Variants in ACYP2 observed in about 807,000 individuals in gnomAD.
ACYP2 encodes acylphosphatase 2, also known as acylphosphatase-2.
In ACYP2, 12 loss-of-function variants were observed where a neutral mutation model predicts 11.2. The ratio of observed to expected loss-of-function variants is 1.08; its 90% confidence interval spans 0.69 to 1.74. The LOEUF (loss-of-function observed/expected upper bound fraction) is 1.74, where lower values mean the gene tolerates loss of function less well. Among genes scored for constraint, ACYP2 ranks in the 40% most tolerant of loss-of-function variants. The probability of loss-of-function intolerance (pLI) is 0.00; values close to 1 mark genes in which losing one functional copy is unlikely to be tolerated. For missense variants in ACYP2, 134 were observed against 101.9 expected, an observed-to-expected ratio of 1.31 and a Z score of -1.35; for synonymous variants, 43 against 32.2, an observed-to-expected ratio of 1.33 and a Z score of -1.13.
In ACYP2 at chr2:54,043,662, A is replaced by T. The variant is rs561372255; in HGVS notation, c.63-7296A>T. 1.6e-3 allele frequency among the ~76,000 whole-genome samples: 239 copies of T among 152,314 alleles called. 2 individuals are homozygous for T. The highest frequency in any genetic ancestry group is 5.6e-3 in the African/African-American group (232 of 41,586). On this transcript the variant is annotated intron_variant, in intron 2 of 6. Coordinates refer to ENST00000607452, the MANE Select transcript of ACYP2 (RefSeq NM_001320586.2). Reference sequence around the variant, plus strand: ...AATTTCATTTAAAATCATGAAGGCGATGTTTTATTATATAAAGGGGATAAT... The same window carrying T: ...AATTTCATTTAAAATCATGAAGGCGTTGTTTTATTATATAAAGGGGATAAT...
chr2:53,994,571 T>TATG (rs1672476278), intron 2 of ACYP2, among the ~76,000 whole-genome samples: 1 of 149,288 alleles, frequency 6.7e-6, no homozygotes, highest in South Asian at 2.1e-4. Context: ...TGGGGTGGAC[T>TATG]ATGAGAGGCA....
At chr2:54,061,343 C>T (rs1057158751) in intron 4 of ACYP2, among the ~76,000 whole-genome samples, 2 of 152,164 alleles carry the variant, frequency 1.3e-5, no homozygotes, top group African/African-American at 4.8e-5. Context: ...GCAAACTTCC[C>T]CTTCCCCAAT....
intron 6 of ACYP2, among the ~76,000 whole-genome samples, chr2:54,193,999 A>G (rs1360521953): frequency 6.6e-6 from 1 of 152,218 alleles, no homozygotes; most frequent in African/African-American, 2.4e-5. Context: ...GGCATGATAT[A>G]TGAAGCCTTA....
chr2:53,985,941 G>T (rs767347838), intron 2 of ACYP2, among the ~76,000 whole-genome samples: 14 of 152,066 alleles, frequency 9.2e-5, no homozygotes, highest in Non-Finnish European at 1.3e-4. Context: ...TTTGAGACCA[G>T]CCTGGCCAAC....
intron 6 of ACYP2, among the ~76,000 whole-genome samples, chr2:54,201,799 T>G (rs1684846029): frequency 6.6e-6 from 1 of 150,686 alleles, no homozygotes. Context: ...ACCTCCACCT[T>G]CCAGGTTCAA....
intron 4 of ACYP2, among the ~76,000 whole-genome samples, chr2:54,128,339 C>G (rs1041888028): frequency 6.6e-6 from 1 of 152,148 alleles, no homozygotes; most frequent in Non-Finnish European, 1.5e-5. Context: ...CAGCAAGTGC[C>G]TTTCATTCAG....
chr2:53,972,181 A>G (rs997167936), intron 1 of ACYP2, among the ~76,000 whole-genome samples: 88 of 137,610 alleles, frequency 6.4e-4, no homozygotes, highest in Middle Eastern at 5.2e-3. Flanking sequence ...GTGGTGGCGG[A>G]CGCCTGTAAT....
At chr2:54,116,908 T>A (rs1363613015) in intron 4 of ACYP2, among the ~76,000 whole-genome samples, 1 of 152,138 alleles carries the variant, frequency 6.6e-6, no homozygotes, top group African/African-American at 2.4e-5. Context: ...GTGAATAATT[T>A]GGCAGGAAGG....
intron 4 of ACYP2, among the ~76,000 whole-genome samples, chr2:54,103,733 A>G (rs1319953653): frequency 6.6e-6 from 1 of 152,252 alleles, no homozygotes; most frequent in African/African-American, 2.4e-5. Flanking sequence ...AGAGCTCAAG[A>G]AAGTGAATAG....
chr2:54,255,573 GGGCCCGGGCCCA>G (rs1558647257), intron 6 of ACYP2: 3 of 1,569,146 alleles, frequency 1.9e-6, no homozygotes, highest in Non-Finnish European at 2.6e-6. Flanking sequence ...TCAGGGGCCC[GGGCCCGGGCCCA>G]GGCCCTGCCT....
chr2:54,148,124 G>C (rs377057044), intron 6 of ACYP2, among the ~76,000 whole-genome samples: 2 of 152,090 alleles, frequency 1.3e-5, no homozygotes, highest in South Asian at 2.1e-4. Context: ...ACGAGTAAAG[G>C]ATTGTGTTGC....
intron 6 of ACYP2, among the ~76,000 whole-genome samples, chr2:54,169,506 C>T (rs187806188): frequency 4.2e-4 from 64 of 151,988 alleles, no homozygotes; most frequent in Non-Finnish European, 7.8e-4. Context: ...CCATGATGGC[C>T]TCATGCAACC....
intron 4 of ACYP2, among the ~76,000 whole-genome samples, chr2:54,125,540 A>G (rs554363106): frequency 7.9e-5 from 12 of 151,322 alleles, no homozygotes; most frequent in African/African-American, 2.9e-4. Flanking sequence ...ACCAGAGGTC[A>G]GGAGTTTGAG....
intron 6 of ACYP2, chr2:54,256,117 G>T (rs982139314): frequency 1.9e-6 from 3 of 1,613,956 alleles, no homozygotes; most frequent in African/African-American, 2.7e-5. Flanking sequence ...ATAGTCGAGA[G>T]TAGCGGGGCT....
At chr2:54,083,786 C>T (rs1258497665) in intron 4 of ACYP2, among the ~76,000 whole-genome samples, 7 of 152,078 alleles carry the variant, frequency 4.6e-5, no homozygotes, top group African/African-American at 1.4e-4. Flanking sequence ...AAACCCAAAC[C>T]AAATTCTACA....
At chr2:53,978,102 A>G (rs1178323515) in intron 2 of ACYP2, among the ~76,000 whole-genome samples, 1 of 151,734 alleles carries the variant, frequency 6.6e-6, no homozygotes, top group Admixed American at 6.6e-5. Context: ...TCTCTACTAA[A>G]AATACAAAAA....
chr2:54,030,759 ATTT>A (rs1394482749), intron 2 of ACYP2: 1 of 152,488 alleles, frequency 6.6e-6, no homozygotes, highest in East Asian at 1.9e-4. Context: ...TATTTTTTTC[ATTT>A]TTATACATTT....
intron 4 of ACYP2, among the ~76,000 whole-genome samples, chr2:54,114,730 A>T (rs4671861): frequency 0.24 from 36,936 of 152,192 alleles, 4,955 homozygotes; most frequent in South Asian, 0.42. Context: ...TATGAACAGC[A>T]GACAAGATGA....
At chr2:54,024,715 A>G (rs529451718) in intron 2 of ACYP2, among the ~76,000 whole-genome samples, 115 of 152,328 alleles carry the variant, frequency 7.5e-4, no homozygotes, top group African/African-American at 2.5e-3. Context: ...TCTATTCAAC[A>G]TAGTACTGGA....
Sources: gnomAD v4.1 joint callset for allele counts (sites outside exome capture counted in the v4.1 genomes callset) on GRCh38, gnomAD v4.1.1 for gene constraint, MANE v1.5 for transcripts, NCBI Gene and HGNC (gene_info 2026-07-23, HGNC 2026-07-21) for gene names.